Variants in MCPH1 observed in about 807,000 individuals in gnomAD.
The protein encoded by MCPH1 is microcephalin 1.
MCPH1 carries 104 observed loss-of-function variants against 84.5 expected under a neutral mutation model. The ratio of observed to expected loss-of-function variants is 1.23; its 90% CI spans 1.05 to 1.45. The LOEUF is 1.45. MCPH1 is among the 40% of genes most tolerant of loss of function. The pLI is 0.00. For synonymous variants in MCPH1, 514 were observed against 366.8 expected, an observed-to-expected ratio of 1.40 and a Z score of -4.58; for missense variants, 1,498 against 1,005.7, an observed-to-expected ratio of 1.49 and a Z score of -6.62.
chr8:6,502,053 G>A (rs1437157498), intron 12 of MCPH1: 1 of 151,638 alleles, frequency 6.6e-6, no homozygotes, highest in Non-Finnish European at 1.5e-5. Flanking sequence ...TAAATAGAAG[G>A]CTTTTCTCAA....
intron 13 of MCPH1, chr8:6,624,943 T>A: frequency 1.2e-6 from 1 of 804,660 alleles, no homozygotes; most frequent in Non-Finnish European, 1.5e-6. Flanking sequence ...TGATGAGATC[T>A]CAGCTCACTG....
chr8:6,503,143 C>T (rs556882297), intron 12 of MCPH1: 71 of 1,614,136 alleles, frequency 4.4e-5, no homozygotes, highest in East Asian at 1.1e-4. Context: ...TGGCCTTGAG[C>T]GAATAGCCTG....
At chr8:6,549,670 G>A (rs947003882) in intron 12 of MCPH1, among the ~76,000 whole-genome samples, 1 of 149,804 alleles carries the variant, frequency 6.7e-6, no homozygotes, top group Non-Finnish European at 1.5e-5. Context: ...CTGCCTGCAG[G>A]GGAAGAAGCC....
At chr8:6,514,920 G>A in intron 12 of MCPH1, 1 of 626,110 alleles carries the variant, frequency 1.6e-6, no homozygotes, top group Non-Finnish European at 2.8e-6. Context: ...TAGACCATCG[G>A]GGTTGTCTAA....
intron 11 of MCPH1, among the ~76,000 whole-genome samples, chr8:6,487,729 C>G (rs1203694423): frequency 6.6e-6 from 1 of 152,188 alleles, no homozygotes; most frequent in Non-Finnish European, 1.5e-5. Flanking sequence ...GGTCTCTGAA[C>G]TTTCACGGCT....
intron 9 of MCPH1, among the ~76,000 whole-genome samples, chr8:6,476,818 A>T (rs1342867737): frequency 6.6e-6 from 1 of 152,242 alleles, no homozygotes; most frequent in African/African-American, 2.4e-5. Flanking sequence ...TTACAAAAGT[A>T]TATGAATAAT....
At chr8:6,416,943 A>C (rs1799388778) in intron 3 of MCPH1, among the ~76,000 whole-genome samples, 1 of 151,986 alleles carries the variant, frequency 6.6e-6, no homozygotes, top group South Asian at 2.1e-4. Context: ...GCAGTGAACC[A>C]AGACCACGCC....
At chr8:6,641,796 G>A (rs1456734883) in intron 13 of MCPH1, among the ~76,000 whole-genome samples, 1 of 152,170 alleles carries the variant, frequency 6.6e-6, no homozygotes, top group Non-Finnish European at 1.5e-5. Flanking sequence ...CTGTTGTGGA[G>A]AGAATTAAGT....
intron 12 of MCPH1, chr8:6,532,280 G>C (rs1819666233): frequency 2.5e-6 from 4 of 1,608,810 alleles, no homozygotes; most frequent in African/African-American, 1.3e-5. Flanking sequence ...ACGCGACTGA[G>C]TGCTAGTCTC....
rs187429604 is a variant in MCPH1, at chr8:6,589,512, C to T, written c.2215-31942C>T. On this transcript the variant is annotated intron_variant, in intron 12 of 13. Coordinates refer to ENST00000344683, the MANE Select transcript of MCPH1 (RefSeq NM_024596.5). ...TGCATGTCACTTGGAGCACCGGCAT[C>T]TGGAAATGATGAAATCCTGAACAAC... 5.3e-5 allele frequency among the ~76,000 whole-genome samples: 8 copies of T among 152,284 alleles called. 1 individual carries two copies. Among genetic ancestry groups the T allele is most frequent in the African/African-American group, 1.9e-4 (8 of 41,540 alleles).
rs186241312 is a variant in MCPH1, at chr8:6,625,119, C to A, written c.2452+3428C>A. The A allele has an allele frequency of 1.6e-4, 138 of 885,266 alleles. 2 individuals carry two copies. In the African/African-American group the frequency reaches 2.2e-3, roughly 14 times the overall value. The allele number at this position is 885,266 out of a possible 1,614,324, so 54.8% of individuals were successfully genotyped here. On this transcript the variant is annotated intron_variant, in intron 13 of 13. Coordinates refer to ENST00000344683, the MANE Select transcript of MCPH1 (RefSeq NM_024596.5). ...CAAACCCCCAACCTCAAGTGATCCT[C>A]CTGCCTCGGCCTCCCAAAGTGCTGG...
intron 12 of MCPH1, among the ~76,000 whole-genome samples, chr8:6,595,873 A>G (rs1374642489): frequency 6.6e-6 from 1 of 152,244 alleles, no homozygotes; most frequent in South Asian, 2.1e-4. Flanking sequence ...ATGACGAAGC[A>G]TCAGAAAAGT....
chr8:6,612,597 A>C (rs1830381814), intron 12 of MCPH1, among the ~76,000 whole-genome samples: 1 of 152,070 alleles, frequency 6.6e-6, no homozygotes, highest in Non-Finnish European at 1.5e-5. Context: ...TGCGTCCGGC[A>C]CCGCTGGTTG....
intron 6 of MCPH1, among the ~76,000 whole-genome samples, chr8:6,441,664 C>T (rs964445459): frequency 6.6e-6 from 1 of 152,190 alleles, no homozygotes; most frequent in Non-Finnish European, 1.5e-5. Flanking sequence ...GGAAGCTCAG[C>T]AGCATCCCTG....
chr8:6,580,547 C>T (rs1189378010), intron 12 of MCPH1, among the ~76,000 whole-genome samples: 1 of 152,096 alleles, frequency 6.6e-6, no homozygotes, highest in Non-Finnish European at 1.5e-5. Context: ...TCCAGCTACT[C>T]GGGAGGCTGA....
intron 12 of MCPH1, among the ~76,000 whole-genome samples, chr8:6,602,618 T>C (rs1829459775): frequency 6.6e-6 from 1 of 152,126 alleles, no homozygotes; most frequent in African/African-American, 2.4e-5. Flanking sequence ...CTTTCTTTAA[T>C]ACACAGCAAA....
intron 12 of MCPH1, chr8:6,502,980 C>T: frequency 8.4e-7 from 1 of 1,196,256 alleles, no homozygotes; most frequent in Non-Finnish European, 1.2e-6. Context: ...TGGGTCCCGT[C>T]AGCACCGAGC....
At position 6,478,684 on chromosome 8, in the gene MCPH1, T is replaced by C. The variant is rs181800080; in HGVS notation, c.1973+1053T>C. On this transcript the variant is annotated intron_variant, in intron 10 of 13. Transcript: ENST00000344683. Reference sequence around the variant, plus strand: ...CACATCCAGCAAGCAGCTGCCAGCCTCAGGATGGAGTTCTAGGGAGTGTGT... The same window carrying C: ...CACATCCAGCAAGCAGCTGCCAGCCCCAGGATGGAGTTCTAGGGAGTGTGT... Among the ~76,000 whole-genome samples, 78 of 152,324 alleles carry C rather than the reference T, an allele frequency of 5.1e-4. No homozygotes were observed. The East Asian group carries it at 0.013, about 25-fold the overall frequency.
At chr8:6,624,210 C>G (rs1187582365) in intron 13 of MCPH1, among the ~76,000 whole-genome samples, 1 of 152,282 alleles carries the variant, frequency 6.6e-6, no homozygotes, top group Non-Finnish European at 1.5e-5. Context: ...TCAGAGTTCT[C>G]TGACTTCCAG....
Sources: allele counts gnomAD v4.1 joint callset (sites outside exome capture counted in the v4.1 genomes callset), GRCh38; gene constraint gnomAD v4.1.1; transcripts MANE v1.5; gene names NCBI Gene and HGNC (gene_info 2026-07-23, HGNC 2026-07-21).